The following CCDC7 variants were observed in gnomAD, a reference collection of about 807,000 sequenced individuals.
The protein encoded by CCDC7 is coiled-coil domain containing 7, also known as coiled-coil domain-containing protein 7.
CCDC7 carries 183 observed loss-of-function variants against 196.9 expected under a neutral mutation model. That is an observed-to-expected ratio of 0.93 (90% CI 0.82 to 1.05). The LOEUF is 1.05. Ranked by LOEUF, CCDC7 falls within the 50% of genes least tolerant of loss-of-function variation. The pLI, the probability that CCDC7 is intolerant of heterozygous loss-of-function variation, is 0.00. For missense variants in CCDC7, 1,540 were observed against 1,482.2 expected, an observed-to-expected ratio of 1.04 and a Z score of -0.64; for synonymous variants, 525 against 484.6, an observed-to-expected ratio of 1.08 and a Z score of -1.10.
intron 14 of CCDC7, among the ~76,000 whole-genome samples, chr10:32,566,059 C>G (rs2056738332): frequency 6.6e-6 from 1 of 151,920 alleles, no homozygotes; most frequent in Non-Finnish European, 1.5e-5. Flanking sequence ...TGAAAAAAAG[C>G]TATAAGCATT....
intron 33 of CCDC7, among the ~76,000 whole-genome samples, chr10:32,839,417 A>G (rs973326151): frequency 3.3e-5 from 5 of 151,982 alleles, no homozygotes; most frequent in Non-Finnish European, 7.4e-5. Context: ...ACAAAGAGGG[A>G]CATTATAGAA....
chr10:32,491,672 T>C (rs1023526665), intron 8 of CCDC7, among the ~76,000 whole-genome samples: 1 of 152,150 alleles, frequency 6.6e-6, no homozygotes, highest in East Asian at 1.9e-4. Flanking sequence ...TATTTGAAAA[T>C]TATGACAGTA....
chr10:32,877,259 C>G (rs1057431014), downstream of CCDC7: 1 of 151,844 alleles, frequency 6.6e-6, no homozygotes, highest in Non-Finnish European at 1.5e-5. Context: ...CATAATGAAA[C>G]TGTCAAGAGA....
intron 24 of CCDC7, among the ~76,000 whole-genome samples, chr10:32,706,393 C>T (rs1265133899): frequency 2.0e-5 from 3 of 152,060 alleles, no homozygotes; most frequent in Non-Finnish European, 2.9e-5. Context: ...GATACCCTAA[C>T]ATCACAATTA....
chr10:32,593,653 G>A (rs2060006716), intron 18 of CCDC7, among the ~76,000 whole-genome samples: 1 of 152,160 alleles, frequency 6.6e-6, no homozygotes, highest in Admixed American at 6.5e-5. Flanking sequence ...TATTGCCTAG[G>A]TTTTCTTCAA....
chr10:32,477,102 G>T (rs761522270), intron 8 of CCDC7, among the ~76,000 whole-genome samples: 2 of 151,536 alleles, frequency 1.3e-5, no homozygotes, highest in Non-Finnish European at 2.9e-5. Context: ...TAGGTGTTGT[G>T]TGTAAAAATT....
At chr10:32,642,173 A>C (rs922920440) in intron 20 of CCDC7, among the ~76,000 whole-genome samples, 10 of 152,146 alleles carry the variant, frequency 6.6e-5, no homozygotes, top group African/African-American at 2.4e-4. Flanking sequence ...ACTCTCTTCA[A>C]AGCTGTCAGA....
intron 32 of CCDC7, among the ~76,000 whole-genome samples, chr10:32,834,241 T>C (rs1186985194): frequency 6.6e-6 from 1 of 151,958 alleles, no homozygotes; most frequent in East Asian, 1.9e-4. Flanking sequence ...GTCACATAAT[T>C]TGTAGTTACA....
chr10:32,724,559 A>G (rs1302111473), intron 25 of CCDC7, among the ~76,000 whole-genome samples: 2 of 152,126 alleles, frequency 1.3e-5, no homozygotes, highest in Admixed American at 1.3e-4. Flanking sequence ...TCATTTAAAA[A>G]TGGGGGGATC....
chr10:32,735,193 CAT>C (rs1223205804), intron 28 of CCDC7, among the ~76,000 whole-genome samples: 1 of 152,134 alleles, frequency 6.6e-6, no homozygotes, highest in Admixed American at 6.5e-5. Context: ...TTTGTAGGGA[CAT>C]ATATTTTTTA....
chr10:32,845,796 TACAC>T (rs754385774), intron 35 of CCDC7, 76 bp from the exon 37 acceptor site: 8 of 372,134 alleles, frequency 2.1e-5, no homozygotes, highest in African/African-American at 1.7e-4. Flanking sequence ...CACACACACA[TACAC>T]ACACACACAG....
At chr10:32,557,695 A>G in intron 13 of CCDC7, among the ~76,000 whole-genome samples, 1 of 148,712 alleles carries the variant, frequency 6.7e-6, no homozygotes, top group East Asian at 1.9e-4. Context: ...CCATTTGACT[A>G]TTTTTTTTTT....
At chr10:32,778,853 T>G in intron 28 of CCDC7, 124 bp from the exon 30 acceptor site, 1 of 659,284 alleles carries the variant, frequency 1.5e-6, no homozygotes, top group East Asian at 2.7e-5. Flanking sequence ...CTGATTTCTT[T>G]TGCAGTGTTT....
intron 29 of CCDC7, among the ~76,000 whole-genome samples, chr10:32,798,157 C>T (rs2084010519): frequency 1.3e-5 from 2 of 152,210 alleles, no homozygotes; most frequent in Admixed American, 1.3e-4. Context: ...CGTGTCTATT[C>T]TGGTGAGGAC....
intron 41 of CCDC7, among the ~76,000 whole-genome samples, chr10:32,856,086 C>A (rs1020646251): frequency 2.6e-5 from 4 of 152,056 alleles, no homozygotes; most frequent in Admixed American, 6.5e-5. Context: ...TCAAAGTAGA[C>A]CGAAAACCTA....
At chr10:32,582,656 T>C (rs904848887) in intron 16 of CCDC7, among the ~76,000 whole-genome samples, 6 of 152,142 alleles carry the variant, frequency 3.9e-5, no homozygotes, top group African/African-American at 1.4e-4. Flanking sequence ...GTGGAGATAT[T>C]TTAATTTTCA....
At chr10:32,589,372 A>G (rs186826901) in intron 18 of CCDC7, among the ~76,000 whole-genome samples, 2 of 152,236 alleles carry the variant, frequency 1.3e-5, no homozygotes, top group African/African-American at 2.4e-5. Flanking sequence ...GTGTATATGT[A>G]CCAAATTTTC....
At chr10:32,515,907 T>G (rs1436438295) in intron 9 of CCDC7, among the ~76,000 whole-genome samples, 1 of 152,132 alleles carries the variant, frequency 6.6e-6, no homozygotes, top group Non-Finnish European at 1.5e-5. Context: ...GAGCTAAAAC[T>G]ATAGGCATTT....
intron 33 of CCDC7, among the ~76,000 whole-genome samples, chr10:32,835,989 T>C (rs2092571943): frequency 6.6e-6 from 1 of 152,130 alleles, no homozygotes; most frequent in South Asian, 2.1e-4. Context: ...CTACCCATTC[T>C]CTCTATTTGA....
Sources: gnomAD v4.1 joint callset for allele counts (sites outside exome capture counted in the v4.1 genomes callset) on GRCh38, gnomAD v4.1.1 for gene constraint, MANE v1.5 for transcripts, NCBI Gene and HGNC (gene_info 2026-07-23, HGNC 2026-07-21) for gene names.